AGO1: variants seen among roughly 807,000 people sequenced by gnomAD.
AGO1 encodes the protein argonaute RISC component 1, also known as protein argonaute-1.
A neutral mutation model predicts 109.2 loss-of-function variants in AGO1; 11 were observed. The observed-to-expected ratio is 0.10, with a 90% CI of 0.06 to 0.17. The LOEUF is 0.17. Among genes scored for constraint, AGO1 ranks in the 10% least tolerant of loss-of-function variants. The pLI is 1.00. For missense variants in AGO1, 574 were observed against 1,140.3 expected (o/e 0.50, Z 7.15); for synonymous variants, 422 against 418.6 (o/e 1.01, Z -0.10).
At position 35,893,933 on chromosome 1, in the gene AGO1, C is replaced by G; in HGVS notation, c.650-104C>G. Reference sequence around the variant, plus strand: ...ATTCCTACAGCCCTGGCACCCCCTTCCCCCATCCCAATGCCCTTTAAGGAA... The same window carrying G: ...ATTCCTACAGCCCTGGCACCCCCTTGCCCCATCCCAATGCCCTTTAAGGAA... On this transcript the variant is annotated intron_variant, in intron 5 of 18. Coordinates refer to ENST00000373204, the MANE Select transcript of AGO1 (RefSeq NM_012199.5). This position sits in a 1 kb window ranked among gnomAD's most constrained non-coding sequence, Gnocchi z 5.6. 1.3e-6 allele frequency: 2 copies of G among 1,524,052 alleles called. No individual in the cohort carries two copies. Among genetic ancestry groups the G allele is most frequent in the Non-Finnish European group, 1.8e-6 (2 of 1,131,488 alleles). The allele number at this position is 1,524,052 out of a possible 1,614,324, so 94.4% of individuals were successfully genotyped here. A position where few individuals can be genotyped will look rare whatever the true frequency, so the allele number is the denominator to read the frequency against.
intron 11 of AGO1, among the ~76,000 whole-genome samples, chr1:35,904,080 A>G (rs1418138893): frequency 3.3e-5 from 5 of 150,858 alleles, no homozygotes; most frequent in African/African-American, 1.2e-4. Flanking sequence ...AGTTCTTGCA[A>G]ATGGGTTCTT....
At chr1:35,886,101 T>G (rs1645115567) in intron 1 of AGO1, among the ~76,000 whole-genome samples, 1 of 152,120 alleles carries the variant, frequency 6.6e-6, no homozygotes, top group African/African-American at 2.4e-5. Context: ...CTGGGCTCCT[T>G]GGGGATGGGG....
At chr1:35,895,096 C>A (rs776463310) in intron 7 of AGO1, 26 bp from the exon 8 acceptor site, 1 of 1,589,052 alleles carries the variant, frequency 6.3e-7, no homozygotes. Flanking sequence ...GTTATGACAC[C>A]CCCTTCCTTC....
chr1:35,879,557 A>G (rs1273394316), upstream of AGO1, among the ~76,000 whole-genome samples: 1 of 151,712 alleles, frequency 6.6e-6, no homozygotes, highest in Non-Finnish European at 1.5e-5. Context: ...CAGGAGTTTG[A>G]GACCAGCCTG....
chr1:35,892,552 C>G lies in AGO1; in HGVS notation c.210-5C>G, dbSNP rs1296233765. The G allele has an allele frequency of 1.9e-6, 3 of 1,614,212 alleles. No homozygotes were observed. The highest frequency in any genetic ancestry group is 1.7e-5 in the Admixed American group (1 of 60,024). ...GCTTCCACAGGCCACTCCTATCCCC[C>G]ACAGGGAAGTGGTGGAATACATGGT... On this transcript the variant is annotated splice_polypyrimidine_tract_variant and splice_region_variant and intron_variant, in intron 2 of 18. Coordinates refer to ENST00000373204, the MANE Select transcript of AGO1 (RefSeq NM_012199.5).
At chr1:35,890,706 C>T (rs1218140778) in intron 2 of AGO1, among the ~76,000 whole-genome samples, 3 of 152,096 alleles carry the variant, frequency 2.0e-5, no homozygotes, top group Non-Finnish European at 4.4e-5. Context: ...TCAGAGTTTT[C>T]AGATATTGCA....
intron 1 of AGO1, among the ~76,000 whole-genome samples, chr1:35,876,391 C>T (rs971184309): frequency 6.6e-6 from 1 of 151,848 alleles, no homozygotes; most frequent in South Asian, 2.1e-4. Context: ...CTCAGCTTCC[C>T]GAGTAGCTGG....
In AGO1 at chr1:35,907,935, GGCAACAAA is replaced by G. The variant is rs1441933314; in HGVS notation, c.1582+821_1582+828del. The stretch of plus-strand genomic sequence containing the variant: ...TGCCCAGAAATTCGAGGCTAGTCTG[GGCAACAAA>G]GCAAGACCTCATCTCTACAAAAAAA... On this transcript the variant is annotated intron_variant, in intron 12 of 18. Coordinates refer to ENST00000373204, the MANE Select transcript of AGO1 (RefSeq NM_012199.5). 2.0e-5 allele frequency among the ~76,000 whole-genome samples: 3 copies of G among 152,166 alleles called. No homozygotes were observed. In the South Asian group the frequency reaches 6.2e-4, roughly 32 times the overall value.
chr1:35,887,390 CT>C (rs1207436092), intron 1 of AGO1, among the ~76,000 whole-genome samples: 1 of 151,998 alleles, frequency 6.6e-6, no homozygotes, highest in Non-Finnish European at 1.5e-5. Context: ...TTTTTTCTCT[CT>C]TCCCCCCAAG....
rs1645986782 is a variant in AGO1, at chr1:35,929,134, T to C, written c.*9527T>C. ...CTGCTCTGTACCCTTAAGAGCAGAC[T>C]CAGTTGGGAATGAGTTATCCAAATA... On this transcript the variant is annotated 3_prime_UTR_variant, in exon 19 of 19. Coordinates refer to ENST00000373204, the MANE Select transcript of AGO1 (RefSeq NM_012199.5). 1 of 152,262 alleles carries C rather than the reference T, an allele frequency of 6.6e-6. No homozygotes were observed. Among genetic ancestry groups the C allele is most frequent in the African/African-American group, 2.4e-5 (1 of 41,466 alleles). The allele number at this position is 152,262 out of a possible 1,614,324, so 9.4% of individuals were successfully genotyped here.
Position 35,917,747 on chromosome 1 carries a change from C to A in AGO1, c.2163+20C>A. The A allele has an allele frequency of 1.2e-6, 2 of 1,606,196 alleles. No individual in the cohort carries two copies. The highest frequency in any genetic ancestry group is 1.7e-6 in the Non-Finnish European group (2 of 1,174,260). ...GAGCGAGTGAGTGAGGGACTGAGGC[C>A]TCCCATCCCCTCCTTCTGTCTCCCT... On this transcript the variant is annotated intron_variant, in intron 16 of 18. Coordinates refer to ENST00000373204, the MANE Select transcript of AGO1 (RefSeq NM_012199.5).
intron 2 of AGO1, among the ~76,000 whole-genome samples, chr1:35,890,204 G>A (rs576199941): frequency 2.6e-5 from 4 of 151,952 alleles, no homozygotes; most frequent in African/African-American, 7.2e-5. Context: ...TGTATTTTTA[G>A]TAGAGACAGG....
At chr1:35,899,281 A>G (rs1292551817) in intron 8 of AGO1, among the ~76,000 whole-genome samples, 1 of 152,188 alleles carries the variant, frequency 6.6e-6, no homozygotes, top group Non-Finnish European at 1.5e-5. Flanking sequence ...TTGTTTATTC[A>G]TTCATCTATC....
chr1:35,875,736 C>G (rs1644987696), intron 1 of AGO1, among the ~76,000 whole-genome samples: 1 of 152,132 alleles, frequency 6.6e-6, no homozygotes. Context: ...TTTAAGTCCA[C>G]TCTTTAGATC....
At chr1:35,871,134 G>A (rs997187322) in intron 1 of AGO1, among the ~76,000 whole-genome samples, 2 of 152,192 alleles carry the variant, frequency 1.3e-5, no homozygotes, top group Non-Finnish European at 2.9e-5. Context: ...TTACCAAAGA[G>A]TGTTGGTTGT....
chr1:35,883,542 T>G lies in AGO1; in HGVS notation c.25+96T>G. The G allele has an allele frequency of 1.4e-6, 2 of 1,430,542 alleles. No homozygotes were observed. Among genetic ancestry groups the G allele is most frequent in the Non-Finnish European group, 1.8e-6 (2 of 1,090,816 alleles). The allele number at this position is 1,430,542 out of a possible 1,614,324, so 88.6% of individuals were successfully genotyped here. On this transcript the variant is annotated intron_variant, in intron 1 of 18. Transcript: ENST00000373204. The surrounding 1 kb of genome is among the most constrained non-coding windows in gnomAD (Gnocchi z 5.4). ...TCCAAGTGATGGAAGCGCTCCTGAG[T>G]GAGGAGAAGGGCTCTCCCACGATGG...
rs1045041411 is a variant in AGO1 at position 35,923,395 on chromosome 1, C to G, written c.*3788C>G. 2.0e-5 allele frequency: 3 copies of G among 152,296 alleles called. No individual in the cohort carries two copies. The highest frequency in any genetic ancestry group is 7.2e-5 in the African/African-American group (3 of 41,394). 9.4% of individuals were successfully genotyped at this position (152,296 alleles called of 1,614,324 possible). A position where few individuals can be genotyped will look rare whatever the true frequency, so the allele number is the denominator to read the frequency against. On this transcript the variant is annotated 3_prime_UTR_variant, in exon 19 of 19. Transcript: ENST00000373204. ...GTAAGGCTGGTGGGACAGTTTTGGA[C>G]CTGGAATCATGTGTAACTAACAAGG... is the stretch of plus-strand genomic sequence containing the variant.
chr1:35,915,554 A>T lies in AGO1; in HGVS notation c.2028+12A>T, dbSNP rs1645719500. 2 of 1,611,574 alleles carry T rather than the reference A, an allele frequency of 1.2e-6. No individual in the cohort carries two copies. Among genetic ancestry groups the T allele is most frequent in the African/African-American group, 2.7e-5 (2 of 74,858 alleles). On this transcript the variant is annotated intron_variant, in intron 15 of 18. Coordinates refer to ENST00000373204, the MANE Select transcript of AGO1 (RefSeq NM_012199.5). The stretch of plus-strand genomic sequence containing the variant: ...GCCAGCTACCCCAGGTAGGGCCCAC[A>T]GTAGGTGGAGAAAACCTTCACATCA...
chr1:35,914,614 C>T (rs564535163), intron 14 of AGO1, among the ~76,000 whole-genome samples: 4 of 152,238 alleles, frequency 2.6e-5, no homozygotes, highest in Admixed American at 6.5e-5. Flanking sequence ...TACTTAGTTG[C>T]GAGGACTATC....
Sources: gnomAD v4.1 joint callset for allele counts (sites outside exome capture counted in the v4.1 genomes callset) on GRCh38, gnomAD v4.1.1 for gene constraint, Gnocchi (gnomAD v3.1) non-coding constraint, MANE v1.5 for transcripts, NCBI Gene and HGNC (gene_info 2026-07-23, HGNC 2026-07-21) for gene names.